ZNF385D: variants seen among roughly 807,000 people sequenced by gnomAD.
ZNF385D encodes zinc finger protein 659.
ZNF385D carries 15 observed loss-of-function variants against 35.8 expected under a neutral mutation model. That is an observed-to-expected ratio of 0.42 (90% CI 0.28 to 0.64). The LOEUF is 0.64. ZNF385D is among the 30% of genes least tolerant of loss of function. The pLI, the probability that ZNF385D is intolerant of heterozygous loss-of-function variation, is 0.23. For missense variants in ZNF385D, 474 were observed against 494.6 expected, an observed-to-expected ratio of 0.96 and a Z score of 0.39; for synonymous variants, 212 against 186.8, an observed-to-expected ratio of 1.13 and a Z score of -1.10.
Position 22,182,284 on chromosome 3 carries a change from TAAAAC to T in ZNF385D, c.107-13254_107-13250del, listed in dbSNP as rs201596705. ...AAAAATATTTGTCAAGAAAATGTCT[TAAAAC>T]AAATTACCACCTAACCAAAACCATG... On this transcript the variant is annotated intron_variant, in intron 2 of 5. Coordinates refer to the ZNF385D transcript ENST00000494108. 6.5e-3 allele frequency among the ~76,000 whole-genome samples: 984 copies of T among 152,260 alleles called. 10 individuals are homozygous for T. Among genetic ancestry groups the T allele is most frequent in the African/African-American group, 0.022 (924 of 41,566 alleles).
chr3:21,844,095 A>AT (rs1695849282), intron 3 of ZNF385D, among the ~76,000 whole-genome samples: 1 of 151,996 alleles, frequency 6.6e-6, no homozygotes, highest in African/African-American at 2.4e-5. Context: ...ATTTGGAGAT[A>AT]TTTAACATAT....
At chr3:21,429,491 T>A (rs988420627) in intron 5 of ZNF385D, among the ~76,000 whole-genome samples, 3 of 152,122 alleles carry the variant, frequency 2.0e-5, no homozygotes, top group African/African-American at 4.8e-5. Flanking sequence ...TATTTCCCTA[T>A]ATAATTATGT....
intron 1 of ZNF385D, among the ~76,000 whole-genome samples, chr3:21,727,068 G>A (rs899793534): frequency 6.6e-6 from 1 of 152,120 alleles, no homozygotes. Context: ...AGAAGCAATG[G>A]GAAAAGGATT....
intron 3 of ZNF385D, among the ~76,000 whole-genome samples, chr3:21,814,494 C>T (rs1473363983): frequency 1.3e-5 from 2 of 151,974 alleles, no homozygotes; most frequent in Non-Finnish European, 2.9e-5. Context: ...GGAAGATCTA[C>T]CAAGCAAATG....
At chr3:22,132,298 T>G (rs1297382823) in intron 3 of ZNF385D, among the ~76,000 whole-genome samples, 1 of 152,170 alleles carries the variant, frequency 6.6e-6, no homozygotes, top group African/African-American at 2.4e-5. Flanking sequence ...CAGTGCCATC[T>G]ATGAACTAAG....
intron 3 of ZNF385D, among the ~76,000 whole-genome samples, chr3:21,912,563 C>G (rs9870531): frequency 0.011 from 1,677 of 152,062 alleles, 31 homozygotes; most frequent in African/African-American, 0.037. Flanking sequence ...CGAAGCACTC[C>G]AGTGGATTGC....
At chr3:21,518,345 T>G (rs1707705404) in intron 3 of ZNF385D, among the ~76,000 whole-genome samples, 3 of 152,182 alleles carry the variant, frequency 2.0e-5, no homozygotes, top group Non-Finnish European at 4.4e-5. Context: ...ATTCTAACAT[T>G]ACATATGAGT....
chr3:21,760,165 T>C (rs1053513246), intron 3 of ZNF385D, among the ~76,000 whole-genome samples: 1 of 152,224 alleles, frequency 6.6e-6, no homozygotes, highest in Non-Finnish European at 1.5e-5. Context: ...TCATCTCTGA[T>C]CCTTTTGGTG....
At chr3:21,830,786 G>C (rs1002959764) in intron 3 of ZNF385D, among the ~76,000 whole-genome samples, 1 of 152,144 alleles carries the variant, frequency 6.6e-6, no homozygotes, top group Non-Finnish European at 1.5e-5. Flanking sequence ...TTGTAGTCTT[G>C]AGAAAAACAG....
chr3:22,306,805 A>T (rs1481829536), intron 2 of ZNF385D, among the ~76,000 whole-genome samples: 1 of 152,182 alleles, frequency 6.6e-6, no homozygotes, highest in Non-Finnish European at 1.5e-5. Context: ...GGATTTGTAC[A>T]AAGGAGAGGT....
Position 22,310,411 on chromosome 3 carries a change from T to A in ZNF385D, c.106+62039A>T, listed in dbSNP as rs577776697. Among the ~76,000 whole-genome samples the A allele has an allele frequency of 3.7e-3, 558 of 152,124 alleles. 4 individuals are homozygous for A. Among genetic ancestry groups the A allele is most frequent in the African/African-American group, 0.011 (475 of 41,568 alleles). ...TACATAACTAAAATCTCTGATAACATAATTTAATGCTTATTTATAGATCTA... is the reference window on the plus strand; with the variant it reads ...TACATAACTAAAATCTCTGATAACAAAATTTAATGCTTATTTATAGATCTA... On this transcript the variant is annotated intron_variant, in intron 2 of 5. Transcript: ENST00000494108.
At chr3:22,278,321 A>G (rs1044806465) in intron 2 of ZNF385D, among the ~76,000 whole-genome samples, 2 of 152,122 alleles carry the variant, frequency 1.3e-5, no homozygotes, top group African/African-American at 4.8e-5. Context: ...TACATTTCCA[A>G]TCTGAAGCAA....
rs539710773 is a variant in ZNF385D, at chr3:21,714,258, A to C, written c.22+36637T>G. Reference sequence around the variant, plus strand: ...CAGTAAACAAACTACCTTTCCTGACACTTACTGAGCACATTCATTCACTTT... The same window carrying C: ...CAGTAAACAAACTACCTTTCCTGACCCTTACTGAGCACATTCATTCACTTT... On this transcript the variant is annotated intron_variant, in intron 1 of 7. Transcript: ENST00000281523. 3.3e-5 allele frequency among the ~76,000 whole-genome samples: 5 copies of C among 152,248 alleles called. No homozygotes were observed. The East Asian group carries it at 9.7e-4, about 29-fold the overall frequency.
At chr3:21,569,643 G>C (rs911504380) in intron 2 of ZNF385D, among the ~76,000 whole-genome samples, 20 of 151,142 alleles carry the variant, frequency 1.3e-4, no homozygotes, top group African/African-American at 4.9e-4. Flanking sequence ...AGTTGATGCA[G>C]TTTCTTCCTC....
intron 3 of ZNF385D, among the ~76,000 whole-genome samples, chr3:21,520,516 C>T (rs894729937): frequency 2.0e-5 from 3 of 152,162 alleles, no homozygotes; most frequent in Non-Finnish European, 2.9e-5. Flanking sequence ...CTGTTGAACA[C>T]ACTTCAGGGG....
At chr3:21,850,610 T>C (rs546747600) in intron 3 of ZNF385D, among the ~76,000 whole-genome samples, 11 of 152,172 alleles carry the variant, frequency 7.2e-5, no homozygotes, top group African/African-American at 2.6e-4. Flanking sequence ...CCAGAAAAGA[T>C]CAATTAATGG....
chr3:21,679,854 T>C (rs2066845472), intron 1 of ZNF385D, among the ~76,000 whole-genome samples: 1 of 152,054 alleles, frequency 6.6e-6, no homozygotes, highest in Admixed American at 6.6e-5. Flanking sequence ...CAAGTCATCC[T>C]ATATGGAAAT....
chr3:21,869,765 A>G (rs923006599), intron 3 of ZNF385D, among the ~76,000 whole-genome samples: 1 of 151,206 alleles, frequency 6.6e-6, no homozygotes, highest in Non-Finnish European at 1.5e-5. Flanking sequence ...TTAGAATCTT[A>G]TACTATAAGA....
chr3:22,114,228 G>C (rs1366361070), intron 3 of ZNF385D, among the ~76,000 whole-genome samples: 2 of 151,898 alleles, frequency 1.3e-5, no homozygotes, highest in Non-Finnish European at 2.9e-5. Flanking sequence ...AAACATTATG[G>C]ATAAGGATTT....
Sources: gnomAD v4.1 joint callset for allele counts (sites outside exome capture counted in the v4.1 genomes callset) on GRCh38, gnomAD v4.1.1 for gene constraint, MANE v1.5 for transcripts, NCBI Gene and HGNC (gene_info 2026-07-23, HGNC 2026-07-21) for gene names.